WASHC3: variants seen among roughly 807,000 people sequenced by gnomAD.
WASHC3 encodes WASH complex subunit CCDC53.
In WASHC3, 24 loss-of-function variants were observed where a neutral mutation model predicts 26.1. That is an observed-to-expected ratio of 0.92 (90% CI 0.66 to 1.29). WASHC3 has a LOEUF of 1.29. Among genes scored for constraint, WASHC3 ranks in the 50% most tolerant of loss-of-function variants. WASHC3 has a pLI of 0.00. For synonymous variants in WASHC3, 77 were observed against 75.7 expected (o/e 1.02, Z -0.09); for missense variants, 214 against 229.6 (o/e 0.93, Z 0.44).
chr12:102,056,628 G>A (rs1387286411), intron 2 of WASHC3, among the ~76,000 whole-genome samples: 1 of 152,178 alleles, frequency 6.6e-6, no homozygotes, highest in Non-Finnish European at 1.5e-5. Context: ...GCTCATAAGA[G>A]ATTGCTATGA....
At chr12:102,049,505 G>C (rs1878303344) in intron 2 of WASHC3, among the ~76,000 whole-genome samples, 1 of 152,032 alleles carries the variant, frequency 6.6e-6, no homozygotes, top group Non-Finnish European at 1.5e-5. Context: ...TGTCAGATAA[G>C]CTGAAAGCTT....
At chr12:102,045,173 A>T (rs930278862) in intron 3 of WASHC3, among the ~76,000 whole-genome samples, 1 of 152,190 alleles carries the variant, frequency 6.6e-6, no homozygotes, top group Non-Finnish European at 1.5e-5. Context: ...ACTGATAACC[A>T]TAGTTAGCAC....
chr12:102,021,398 T>C (rs1313966513), intron 6 of WASHC3, among the ~76,000 whole-genome samples: 3 of 152,182 alleles, frequency 2.0e-5, no homozygotes, highest in African/African-American at 7.2e-5. Flanking sequence ...GATCTTGGGA[T>C]CCTTTATTTC....
intron 5 of WASHC3, 79 bp from the exon 6 acceptor site, chr12:102,026,117 C>T: frequency 1.4e-6 from 1 of 709,522 alleles, no homozygotes; most frequent in South Asian, 1.8e-5. Flanking sequence ...AAAACAAGAC[C>T]TTCAGATGCC....
Position 102,013,064 on chromosome 12 carries a change from A to G in WASHC3, c.*44T>C, listed in dbSNP as rs1876544608. ...AGGCTCAATCTCTTACAGAATGTAA[A>G]TGTACCCCTATGCATGCATATGTAA... On this transcript the variant is annotated 3_prime_UTR_variant, in exon 7 of 7. Coordinates refer to ENST00000240079, the MANE Select transcript of WASHC3 (RefSeq NM_016053.4). 2.4e-6 allele frequency: 2 copies of G among 848,172 alleles called. No homozygotes were observed. Among genetic ancestry groups the G allele is most frequent in the Non-Finnish European group, 3.8e-6 (2 of 520,588 alleles). 52.5% of individuals were successfully genotyped at this position (848,172 alleles called of 1,614,324 possible).
intron 5 of WASHC3, among the ~76,000 whole-genome samples, chr12:102,039,606 T>C (rs1877851888): frequency 6.6e-6 from 1 of 152,164 alleles, no homozygotes; most frequent in South Asian, 2.1e-4. Flanking sequence ...AGATTTGCAT[T>C]GATAACTTTG....
intron 5 of WASHC3, among the ~76,000 whole-genome samples, chr12:102,037,253 C>T (rs1226107889): frequency 6.6e-6 from 1 of 152,102 alleles, no homozygotes; most frequent in African/African-American, 2.4e-5. Context: ...GGTATTATTG[C>T]AGGAATGAGG....
At chr12:102,030,418 A>G (rs1219373449) in intron 5 of WASHC3, among the ~76,000 whole-genome samples, 1 of 152,114 alleles carries the variant, frequency 6.6e-6, no homozygotes, top group East Asian at 1.9e-4. Flanking sequence ...AAATCATAAC[A>G]CAAAAGAAAA....
intron 2 of WASHC3, among the ~76,000 whole-genome samples, chr12:102,047,777 C>CT (rs1206713075): frequency 1.3e-5 from 2 of 152,020 alleles, no homozygotes; most frequent in Non-Finnish European, 2.9e-5. Context: ...TTTAATATAC[C>CT]TATATATTTA....
chr12:102,039,127 GGT>G lies in WASHC3; in HGVS notation c.435+739_435+740del, dbSNP rs774770482. On this transcript the variant is annotated intron_variant, in intron 5 of 6. Transcript: ENST00000240079. ...AGGTGCATGCCATCATATGGAGTTA[GGT>G]TTTTTTTTTTTTTTTTTTTTTTAAT... Among the ~76,000 whole-genome samples the G allele has an allele frequency of 3.7e-4, 31 of 84,248 alleles. 6 individuals carry two copies. Among genetic ancestry groups the G allele is most frequent in the Admixed American group, 8.5e-4 (7 of 8,218 alleles). The allele number at this position is 84,248 out of a possible 152,430, so 55.3% of individuals were successfully genotyped here.
chr12:102,017,864 G>T, intron 6 of WASHC3: 1 of 386,896 alleles, frequency 2.6e-6, no homozygotes, highest in South Asian at 2.0e-5. Flanking sequence ...TAAGTATACG[G>T]TAGTGTTTAG....
At chr12:102,048,888 A>G (rs1413468175) in intron 2 of WASHC3, among the ~76,000 whole-genome samples, 2 of 152,336 alleles carry the variant, frequency 1.3e-5, no homozygotes, top group East Asian at 3.9e-4. Flanking sequence ...ATTAAGAAAG[A>G]ACTACTTTTC....
intron 2 of WASHC3, among the ~76,000 whole-genome samples, chr12:102,051,419 T>A (rs927506984): frequency 6.6e-6 from 1 of 152,256 alleles, no homozygotes; most frequent in Non-Finnish European, 1.5e-5. Flanking sequence ...AATGGCACCT[T>A]ACATTTGAAT....
intron 6 of WASHC3, among the ~76,000 whole-genome samples, chr12:102,016,120 C>T (rs1180788770): frequency 1.3e-5 from 2 of 152,124 alleles, no homozygotes; most frequent in Non-Finnish European, 2.9e-5. Flanking sequence ...GAACTCCTGA[C>T]CTCAAGTGAT....
chr12:102,042,652 G>T (rs1877987675), intron 4 of WASHC3, among the ~76,000 whole-genome samples: 1 of 152,168 alleles, frequency 6.6e-6, no homozygotes, highest in Non-Finnish European at 1.5e-5. Context: ...ATTAGTTTAT[G>T]AAAGGCACTT....
intron 5 of WASHC3, among the ~76,000 whole-genome samples, chr12:102,029,515 T>C (rs1487166903): frequency 6.6e-6 from 1 of 152,226 alleles, no homozygotes; most frequent in African/African-American, 2.4e-5. Flanking sequence ...TGGAGGTTTA[T>C]AGTCCTGCCA....
At chr12:102,025,500 C>T (rs1877138164) in intron 6 of WASHC3, among the ~76,000 whole-genome samples, 1 of 151,758 alleles carries the variant, frequency 6.6e-6, no homozygotes, top group Non-Finnish European at 1.5e-5. Context: ...CCCAGAACAG[C>T]TTTAGCCTAT....
At position 102,013,072 on chromosome 12, in the gene WASHC3, CT is replaced by C. The variant is rs1392085386; in HGVS notation, c.*35del. 4 of 894,390 alleles carry C rather than the reference CT, an allele frequency of 4.5e-6. No homozygotes were observed. Among genetic ancestry groups the C allele is most frequent in the Non-Finnish European group, 7.2e-6 (4 of 557,542 alleles). The allele number at this position is 894,390 out of a possible 1,614,324, so 55.4% of individuals were successfully genotyped here. A position where few individuals can be genotyped will look rare whatever the true frequency, so the allele number is the denominator to read the frequency against. On this transcript the variant is annotated 3_prime_UTR_variant, in exon 7 of 7. Transcript: ENST00000240079. The stretch of plus-strand genomic sequence containing the variant: ...TCTCTTACAGAATGTAAATGTACCC[CT>C]ATGCATGCATATGTAATTCTTATCA...
At chr12:102,014,830 C>G (rs1254023783) in intron 6 of WASHC3, among the ~76,000 whole-genome samples, 1 of 152,164 alleles carries the variant, frequency 6.6e-6, no homozygotes, top group East Asian at 1.9e-4. Context: ...ATACTAGGCA[C>G]ATTTTACCCA....
Sources: gnomAD v4.1 joint callset for allele counts (sites outside exome capture counted in the v4.1 genomes callset) on GRCh38, gnomAD v4.1.1 for gene constraint, MANE v1.5 for transcripts, NCBI Gene and HGNC (gene_info 2026-07-23, HGNC 2026-07-21) for gene names.